The following GADL1 variants were observed in gnomAD, a reference collection of about 807,000 sequenced individuals.
The protein encoded by GADL1 is GAD like acidic amino acid decarboxylase 1.
In GADL1, 71 loss-of-function variants were observed where a neutral mutation model predicts 69.5. That is an observed-to-expected ratio of 1.02 (90% CI 0.84 to 1.25). GADL1 has a LOEUF of 1.25. Among genes scored for constraint, GADL1 ranks in the 50% most tolerant of loss-of-function variants. GADL1 has a pLI of 0.00. For synonymous variants in GADL1, 254 were observed against 214.4 expected, an observed-to-expected ratio of 1.18 and a Z score of -1.62; for missense variants, 737 against 631.8, an observed-to-expected ratio of 1.17 and a Z score of -1.79.
At chr3:30,771,088 G>A (rs758346962) in intron 14 of GADL1, among the ~76,000 whole-genome samples, 37 of 149,090 alleles carry the variant, frequency 2.5e-4, no homozygotes, top group Non-Finnish European at 4.6e-4. Context: ...ACTTTTTGTT[G>A]GTTGGAATTG....
intron 13 of GADL1, among the ~76,000 whole-genome samples, chr3:30,779,460 A>G (rs373070844): frequency 3.0e-4 from 45 of 152,374 alleles, no homozygotes; most frequent in African/African-American, 1.0e-3. Flanking sequence ...AAAGTAGTTT[A>G]AAATGAAACA....
chr3:30,728,539 C>T, intron 14 of GADL1, 124 bp from the exon 15 acceptor site: 1 of 665,814 alleles, frequency 1.5e-6, no homozygotes, highest in Non-Finnish European at 2.6e-6. Flanking sequence ...CTCATTCACA[C>T]AAGGTTGACA....
intron 14 of GADL1, among the ~76,000 whole-genome samples, chr3:30,752,484 TA>T (rs1695848211): frequency 6.6e-6 from 1 of 152,182 alleles, no homozygotes; most frequent in African/African-American, 2.4e-5. Context: ...CTAGTTACTA[TA>T]AATTTGGGAT....
chr3:30,731,232 G>C (rs532325197), intron 14 of GADL1, among the ~76,000 whole-genome samples: 1 of 152,082 alleles, frequency 6.6e-6, no homozygotes, highest in Admixed American at 6.6e-5. Flanking sequence ...CCTCTCCTTC[G>C]TCCTCCAGGT....
intron 6 of GADL1, among the ~76,000 whole-genome samples, chr3:30,848,550 A>C (rs1559360275): frequency 8.5e-6 from 1 of 118,298 alleles, no homozygotes; most frequent in Non-Finnish European, 1.7e-5. Flanking sequence ...AGGATACCTG[A>C]TATTATCTCA....
Position 30,755,946 on chromosome 3 carries a change from A to G in GADL1, c.1392+22233T>C, listed in dbSNP as rs542161555. The stretch of plus-strand genomic sequence containing the variant: ...CTATGGTCCCTGGTGGTAGACTCCC[A>G]CAAGCTGCCTCCTATATGCAGATTA... On this transcript the variant is annotated intron_variant, in intron 14 of 14. Coordinates refer to ENST00000282538, the MANE Select transcript of GADL1 (RefSeq NM_207359.3). Among the ~76,000 whole-genome samples, 5 of 152,194 alleles carry G rather than the reference A, an allele frequency of 3.3e-5. 1 individual carries two copies. The South Asian group carries it at 1.0e-3, about 32-fold the overall frequency.
chr3:30,860,122 C>CA (rs2125536292), intron 2 of GADL1, among the ~76,000 whole-genome samples: 1 of 151,976 alleles, frequency 6.6e-6, no homozygotes, highest in African/African-American at 2.4e-5. Context: ...CCACTGCCCC[C>CA]CAAAATTCTC....
intron 11 of GADL1, among the ~76,000 whole-genome samples, chr3:30,812,409 A>C (rs543776597): frequency 1.3e-5 from 2 of 152,334 alleles, no homozygotes; most frequent in Non-Finnish European, 2.9e-5. Context: ...AAGCCCTCAT[A>C]ATCATGGTGG....
At chr3:30,853,442 C>A (rs1296940068) in intron 4 of GADL1, among the ~76,000 whole-genome samples, 1 of 152,142 alleles carries the variant, frequency 6.6e-6, no homozygotes, top group Non-Finnish European at 1.5e-5. Context: ...CATAATTTCA[C>A]TGATAATTCT....
At chr3:30,783,647 A>G (rs997040921) in intron 13 of GADL1, among the ~76,000 whole-genome samples, 11 of 126,262 alleles carry the variant, frequency 8.7e-5, no homozygotes, top group Admixed American at 3.4e-4. Flanking sequence ...CAGTGTAATA[A>G]AAAGAAAAGC....
chr3:30,771,686 T>A (rs1696423221), intron 14 of GADL1, among the ~76,000 whole-genome samples: 1 of 152,246 alleles, frequency 6.6e-6, no homozygotes, highest in African/African-American at 2.4e-5. Context: ...TTTAAAGTGC[T>A]GCACCTTTAA....
chr3:30,858,139 A>G (rs961643895), intron 2 of GADL1, among the ~76,000 whole-genome samples: 2 of 152,022 alleles, frequency 1.3e-5, no homozygotes, highest in African/African-American at 2.4e-5. Flanking sequence ...TCTCCATACA[A>G]GCAGATCTGT....
At chr3:30,735,116 A>G (rs1016584729) in intron 14 of GADL1, among the ~76,000 whole-genome samples, 2 of 152,196 alleles carry the variant, frequency 1.3e-5, no homozygotes, top group Non-Finnish European at 2.9e-5. Flanking sequence ...GAAAAATAGC[A>G]AGGGTGCTGC....
chr3:30,743,947 A>G (rs1575180979), intron 14 of GADL1, among the ~76,000 whole-genome samples: 1 of 152,158 alleles, frequency 6.6e-6, no homozygotes, highest in East Asian at 1.9e-4. Context: ...GGGCTCCTCC[A>G]TCAGTCTGGA....
chr3:30,812,464 T>G (rs1241106761), intron 11 of GADL1, among the ~76,000 whole-genome samples: 1 of 152,144 alleles, frequency 6.6e-6, no homozygotes. Flanking sequence ...AGAGAACTTG[T>G]GCAGGGAAAC....
chr3:30,734,612 T>C (rs932444082), intron 14 of GADL1, among the ~76,000 whole-genome samples: 18 of 152,308 alleles, frequency 1.2e-4, no homozygotes, highest in Non-Finnish European at 1.9e-4. Flanking sequence ...TTTAGTCTTA[T>C]ATAAAAAAAT....
At chr3:30,853,574 T>A (rs998816074) in intron 4 of GADL1, among the ~76,000 whole-genome samples, 25 of 152,182 alleles carry the variant, frequency 1.6e-4, no homozygotes, top group African/African-American at 6.0e-4. Flanking sequence ...ACTGAAAATG[T>A]AATGCTTGCT....
At chr3:30,836,467 A>G in intron 9 of GADL1, among the ~76,000 whole-genome samples, 1 of 151,986 alleles carries the variant, frequency 6.6e-6, no homozygotes, top group Non-Finnish European at 1.5e-5. Context: ...CTAACTCCAG[A>G]AACTGTGAAA....
At position 30,833,907 on chromosome 3, in the gene GADL1, G is replaced by T. The variant is rs1697830920; in HGVS notation, c.996C>A (p.His332Gln). 1 of 1,612,726 alleles carries T rather than the reference G, an allele frequency of 6.2e-7. No individual in the cohort carries two copies. The highest frequency in any genetic ancestry group is 8.5e-7 in the Non-Finnish European group (1 of 1,179,104). ...HRADSVAWNP[H>Q]KMLMAGIQCC... ...ACTGGATCCCAGCCATCAGCATCTT[G>T]TGTGGGTTCCAGGCCACAGAGTCAG... is the stretch of plus-strand genomic sequence containing the variant. Residue 332 changes from histidine (H) to glutamine (Q), a missense_variant, in exon 11 of 15, where the codon CAC becomes CAA. Coordinates refer to ENST00000282538, the MANE Select transcript of GADL1 (RefSeq NM_207359.3).
Sources: allele counts gnomAD v4.1 joint callset (sites outside exome capture counted in the v4.1 genomes callset), GRCh38; gene constraint gnomAD v4.1.1; transcripts MANE v1.5; gene names NCBI Gene and HGNC (gene_info 2026-07-23, HGNC 2026-07-21).